Variants in KIAA0825 observed in about 807,000 individuals in gnomAD.
KIAA0825 encodes KIAA0825.
In KIAA0825, 119 loss-of-function variants were observed where a neutral mutation model predicts 147.6. The observed-to-expected ratio is 0.81, with a 90% confidence interval of 0.69 to 0.94. The LOEUF is 0.94. KIAA0825 is among the 40% of genes least tolerant of loss of function. The probability of loss-of-function intolerance (pLI) is 0.00; values close to 1 mark genes in which losing one functional copy is unlikely to be tolerated. For synonymous variants in KIAA0825, 470 were observed against 518.1 expected (o/e 0.91, Z 1.26); for missense variants, 1,381 against 1,472.7 (o/e 0.94, Z 1.02).
chr5:94,594,656 A>G, intron 1 of KIAA0825: 2 of 627,324 alleles, frequency 3.2e-6, no homozygotes, highest in Non-Finnish European at 5.9e-6. Flanking sequence ...CTTCTATGAA[A>G]AAATGACATT....
intron 14 of KIAA0825, among the ~76,000 whole-genome samples, chr5:94,433,966 A>G (rs1322021006): frequency 1.3e-5 from 2 of 152,228 alleles, no homozygotes; most frequent in African/African-American, 4.8e-5. Flanking sequence ...GACACATGTA[A>G]GAAACCTGTA....
intron 1 of KIAA0825, among the ~76,000 whole-genome samples, chr5:94,585,756 C>T (rs1291978291): frequency 2.0e-5 from 3 of 152,162 alleles, no homozygotes; most frequent in Non-Finnish European, 4.4e-5. Flanking sequence ...AGCACCACGT[C>T]GCACTTTTTC....
intron 20 of KIAA0825, among the ~76,000 whole-genome samples, chr5:94,318,628 G>A (rs1779875508): frequency 6.6e-6 from 1 of 151,872 alleles, no homozygotes; most frequent in Non-Finnish European, 1.5e-5. Flanking sequence ...AGAGCACAGA[G>A]AACAGATGCA....
chr5:94,289,092 G>C (rs1287495042), intron 20 of KIAA0825, among the ~76,000 whole-genome samples: 1 of 152,120 alleles, frequency 6.6e-6, no homozygotes. Context: ...TTGTGTAACA[G>C]CATATTGGAA....
chr5:94,187,448 A>G (rs1323170602), intron 20 of KIAA0825, among the ~76,000 whole-genome samples: 2 of 121,240 alleles, frequency 1.6e-5, no homozygotes, highest in African/African-American at 3.1e-5. Context: ...TTGTTTTGAG[A>G]TGGAGTCTCA....
chr5:94,342,685 T>C (rs1782543997), intron 20 of KIAA0825, among the ~76,000 whole-genome samples: 1 of 152,186 alleles, frequency 6.6e-6, no homozygotes, highest in Non-Finnish European at 1.5e-5. Flanking sequence ...GAATTTCAAG[T>C]AGGCTTTCTT....
At chr5:94,324,622 C>T in intron 20 of KIAA0825, among the ~76,000 whole-genome samples, 1 of 151,892 alleles carries the variant, frequency 6.6e-6, no homozygotes, top group East Asian at 1.9e-4. Flanking sequence ...ATCCTGTTTT[C>T]CCCTTACTAC....
chr5:94,541,827 T>C (rs1285063485), intron 2 of KIAA0825, among the ~76,000 whole-genome samples: 3 of 152,256 alleles, frequency 2.0e-5, no homozygotes, highest in Non-Finnish European at 4.4e-5. Flanking sequence ...TAGTATAAAG[T>C]CATACAGGAA....
chr5:94,515,338 A>G (rs917139402), intron 5 of KIAA0825, among the ~76,000 whole-genome samples: 8 of 152,232 alleles, frequency 5.3e-5, no homozygotes, highest in African/African-American at 1.9e-4. Context: ...ACAATTGTAT[A>G]TATGGATCTG....
intron 20 of KIAA0825, among the ~76,000 whole-genome samples, chr5:94,367,505 A>T (rs905482891): frequency 3.9e-5 from 6 of 152,180 alleles, no homozygotes; most frequent in Admixed American, 3.9e-4. Flanking sequence ...TCTCAAAAAA[A>T]AAATAGAAAT....
intron 20 of KIAA0825, among the ~76,000 whole-genome samples, chr5:94,365,571 C>G (rs1271840942): frequency 6.6e-6 from 1 of 152,180 alleles, no homozygotes; most frequent in East Asian, 1.9e-4. Context: ...CTGAAACTGC[C>G]TTTGCAAAGC....
chr5:94,609,891 C>T (rs1788365316), intron 1 of KIAA0825, among the ~76,000 whole-genome samples: 1 of 152,236 alleles, frequency 6.6e-6, no homozygotes, highest in African/African-American at 2.4e-5. Context: ...CTCCTAAATT[C>T]CTTCCCAGTG....
chr5:94,243,491 A>T (rs1334744056), intron 20 of KIAA0825, among the ~76,000 whole-genome samples: 1 of 152,216 alleles, frequency 6.6e-6, no homozygotes, highest in Non-Finnish European at 1.5e-5. Context: ...ACTGAAAGTA[A>T]AATGCTTAGC....
intron 1 of KIAA0825, among the ~76,000 whole-genome samples, chr5:94,602,305 C>T (rs533551588): frequency 4.2e-4 from 64 of 151,666 alleles, no homozygotes; most frequent in African/African-American, 1.3e-3. Flanking sequence ...GAGCCGAGAT[C>T]GTGCCACTGC....
chr5:94,477,148 G>A lies in KIAA0825; in HGVS notation c.1190C>T (p.Thr397Ile). The change falls in exon 7 of 21, where the codon ACC becomes ATC. Residue 397 changes from threonine (T) to isoleucine (I), a missense_variant. Coordinates refer to ENST00000682413, the MANE Select transcript of KIAA0825 (RefSeq NM_001145678.3). ...VVMEKPRANE[T>I]NIPSEQSLPG... ...TAGTGATTGCTCGGAAGGAATATTG[G>A]TTTCGTTTGCTCTAGGTTTTTCCAT... is the stretch of plus-strand genomic sequence containing the variant. 1.9e-6 allele frequency: 3 copies of A among 1,550,184 alleles called. No homozygotes were observed. The highest frequency in any genetic ancestry group is 2.6e-6 in the Non-Finnish European group (3 of 1,146,544).
intron 7 of KIAA0825, among the ~76,000 whole-genome samples, chr5:94,476,417 C>T (rs369633520): frequency 2.6e-5 from 4 of 152,078 alleles, no homozygotes; most frequent in Non-Finnish European, 4.4e-5. Flanking sequence ...GGCTACCAGT[C>T]GAAGCTAAAG....
At chr5:94,409,817 G>A (rs940343152) in intron 15 of KIAA0825, among the ~76,000 whole-genome samples, 8 of 152,126 alleles carry the variant, frequency 5.3e-5, no homozygotes, top group Admixed American at 6.5e-5. Context: ...CCCTAATAAA[G>A]CTTGAAAACA....
intron 20 of KIAA0825, among the ~76,000 whole-genome samples, chr5:94,216,286 T>C (rs1449243906): frequency 1.3e-5 from 2 of 152,118 alleles, no homozygotes; most frequent in African/African-American, 4.8e-5. Flanking sequence ...AAGATCACTG[T>C]GGAAGTAAAT....
chr5:94,489,070 C>G (rs1763399204), intron 5 of KIAA0825, among the ~76,000 whole-genome samples: 1 of 152,118 alleles, frequency 6.6e-6, no homozygotes, highest in Admixed American at 6.5e-5. Flanking sequence ...GCTGCAGGTT[C>G]TTGTTGTTGG....
Sources: allele counts gnomAD v4.1 joint callset (sites outside exome capture counted in the v4.1 genomes callset), GRCh38; gene constraint gnomAD v4.1.1; transcripts MANE v1.5; gene names NCBI Gene and HGNC (gene_info 2026-07-23, HGNC 2026-07-21).